VPS8: variants seen among roughly 807,000 people sequenced by gnomAD.
VPS8 encodes VPS8 subunit of CORVET complex.
A neutral mutation model predicts 216.4 loss-of-function variants in VPS8; 129 were observed. That is an observed-to-expected ratio of 0.60 (90% confidence interval 0.52 to 0.69). VPS8 has a LOEUF of 0.69. Among genes scored for constraint, VPS8 ranks in the 30% least tolerant of loss-of-function variants. VPS8 has a pLI of 0.00. For synonymous variants in VPS8, 571 were observed against 565.4 expected (o/e 1.01, Z -0.14); for missense variants, 1,531 against 1,683.5 (o/e 0.91, Z 1.59).
chr3:184,913,325 A>G lies in VPS8; in HGVS notation c.2147-194A>G, dbSNP rs142285470. Among the ~76,000 whole-genome samples, 22 of 152,296 alleles carry G rather than the reference A, an allele frequency of 1.4e-4. 1 individual carries two copies. The highest frequency in any genetic ancestry group is 4.8e-4 in the African/African-American group (20 of 41,556). On this transcript the variant is annotated intron_variant, in intron 25 of 47. Coordinates refer to ENST00000625842, the MANE Select transcript of VPS8 (RefSeq NM_001009921.3). ...CTACATCTATCTTAGGGTAGCTTAT[A>G]TTGCTCTTGTGTCTGTGACAAGAAT...
Position 184,929,751 on chromosome 3 carries a change from G to A in VPS8, c.2799+87G>A, listed in dbSNP as rs548659825. 1,400 of 752,042 alleles carry A rather than the reference G, an allele frequency of 1.9e-3. 4 individuals are homozygous for A. The highest frequency in any genetic ancestry group is 2.6e-3 in the Admixed American group (68 of 25,940). 46.6% of individuals were successfully genotyped at this position (752,042 alleles called of 1,614,324 possible). A position where few individuals can be genotyped will look rare whatever the true frequency, so the allele number is the denominator to read the frequency against. ...ATAACTGTTGAGTAGAAATATTTGC[G>A]CATGTGTATGAGCCAAATACACATT... On this transcript the variant is annotated intron_variant, in intron 33 of 47. Transcript: ENST00000625842.
chr3:184,891,689 T>C (rs969463636), intron 22 of VPS8, among the ~76,000 whole-genome samples: 5 of 152,168 alleles, frequency 3.3e-5, no homozygotes, highest in Admixed American at 2.0e-4. Flanking sequence ...TGAACATAAT[T>C]TGTTAAAATT....
At chr3:184,907,216 A>G (rs983756957) in intron 25 of VPS8, among the ~76,000 whole-genome samples, 5 of 152,230 alleles carry the variant, frequency 3.3e-5, no homozygotes, top group Non-Finnish European at 7.3e-5. Context: ...AAAAGGTTGC[A>G]TTCTTTTGAG....
At chr3:185,003,544 T>C (rs560280044) in intron 45 of VPS8, among the ~76,000 whole-genome samples, 1,591 of 150,544 alleles carry the variant, frequency 0.011, 19 homozygotes, top group African/African-American at 0.036. Flanking sequence ...AAGTCTCCCA[T>C]GTCTACTTCT....
chr3:184,875,675 A>G (rs903213775), intron 21 of VPS8, among the ~76,000 whole-genome samples: 3 of 152,074 alleles, frequency 2.0e-5, no homozygotes, highest in Admixed American at 2.0e-4. Context: ...CATTCTTTAT[A>G]GAGCCAGACA....
At chr3:184,873,121 A>G (rs1478974551) in intron 21 of VPS8, among the ~76,000 whole-genome samples, 1 of 152,128 alleles carries the variant, frequency 6.6e-6, no homozygotes, top group Non-Finnish European at 1.5e-5. Context: ...TGTGACATGT[A>G]TTTTTATTCT....
chr3:184,852,442 C>G, intron 10 of VPS8, 58 bp from the exon 11 acceptor site: 2 of 1,488,700 alleles, frequency 1.3e-6, no homozygotes, highest in South Asian at 2.4e-5. Context: ...TAATTTTTTC[C>G]TCCTTAATAC....
intron 29 of VPS8, among the ~76,000 whole-genome samples, 165 bp from the exon 30 acceptor site, chr3:184,924,697 G>C (rs1739247530): frequency 6.6e-6 from 1 of 152,002 alleles, no homozygotes; most frequent in African/African-American, 2.4e-5. Context: ...TATGCAAGTG[G>C]TTGTGCTTAT....
At chr3:184,848,077 T>C (rs1001299884) in intron 8 of VPS8, among the ~76,000 whole-genome samples, 4 of 152,028 alleles carry the variant, frequency 2.6e-5, no homozygotes, top group African/African-American at 9.7e-5. Flanking sequence ...CACACCCGGC[T>C]ATATTTTTTA....
chr3:185,051,673 G>A lies in VPS8; in HGVS notation c.4138-203G>A, dbSNP rs942273728. On this transcript the variant is annotated intron_variant, in intron 47 of 47. Coordinates refer to ENST00000625842, the MANE Select transcript of VPS8 (RefSeq NM_001009921.3). ...CAGTCCAGTCTCATTATTGAATGAG[G>A]AAATTTAGACCCTAAAAAATGAAGT... Among the ~76,000 whole-genome samples, 5 of 152,286 alleles carry A rather than the reference G, an allele frequency of 3.3e-5. No individual in the cohort carries two copies. In the South Asian group the frequency reaches 6.2e-4, roughly 19 times the overall value.
chr3:185,024,451 G>T, intron 46 of VPS8, 62 bp downstream of exon 46: 5 of 1,468,930 alleles, frequency 3.4e-6, no homozygotes, highest in Non-Finnish European at 4.7e-6. Context: ...CTCCTATGTG[G>T]AACAATATTC....
intron 36 of VPS8, among the ~76,000 whole-genome samples, chr3:184,943,184 G>T (rs1246311782): frequency 2.0e-5 from 3 of 152,110 alleles, no homozygotes; most frequent in African/African-American, 7.2e-5. Context: ...CATCAAAACT[G>T]TTTTCTAGTT....
intron 1 of VPS8, among the ~76,000 whole-genome samples, chr3:184,819,469 A>G (rs955877310): frequency 1.3e-5 from 2 of 152,366 alleles, no homozygotes; most frequent in Non-Finnish European, 2.9e-5. Flanking sequence ...TGAGTGGTTC[A>G]TTATCAACCT....
rs1417808072 is a variant in VPS8, at chr3:184,860,060, T to C, written c.1219T>C (p.Phe407Leu). 1 of 1,607,476 alleles carries C rather than the reference T, an allele frequency of 6.2e-7. No homozygotes were observed. The highest frequency in any genetic ancestry group is 1.3e-5 in the African/African-American group (1 of 74,808). Residue 407 changes from phenylalanine to leucine, a missense_variant, in exon 15 of 48, where the codon TTT becomes CTT. By Grantham distance (22) the Phe-to-Leu change is conservative. Transcript: ENST00000625842. ...TCACCTATACTATGACCTCATCAAC[T>C]TTACCGTGAGTATTATTCAAATTAA... ...HLHLYYDLIN[F>L]TWINSRTVVL... is the part of the protein sequence containing the mutation.
At chr3:184,985,752 C>T (rs1188461041) in intron 42 of VPS8, among the ~76,000 whole-genome samples, 1 of 152,186 alleles carries the variant, frequency 6.6e-6, no homozygotes, top group African/African-American at 2.4e-5. Context: ...CGTTAAGTCT[C>T]TGGATTACAT....
intron 46 of VPS8, among the ~76,000 whole-genome samples, chr3:185,036,361 T>C (rs1389102277): frequency 6.6e-6 from 1 of 152,136 alleles, no homozygotes; most frequent in African/African-American, 2.4e-5. Context: ...CTTCAAACTA[T>C]ACTATAAAGC....
intron 25 of VPS8, among the ~76,000 whole-genome samples, chr3:184,912,204 TAA>T (rs1415142754): frequency 6.6e-6 from 1 of 152,204 alleles, no homozygotes; most frequent in African/African-American, 2.4e-5. Flanking sequence ...GCCGGCTGAA[TAA>T]AAGACTCTTA....
chr3:184,920,810 G>T (rs1202920231), intron 29 of VPS8, among the ~76,000 whole-genome samples: 1 of 152,132 alleles, frequency 6.6e-6, no homozygotes, highest in Non-Finnish European at 1.5e-5. Context: ...TTGTTCATTT[G>T]GCTGTAAAGT....
chr3:184,864,145 G>C lies in VPS8; in HGVS notation c.1395+1078G>C, dbSNP rs865783083. ...AAGAGGAAGGAGAAGGAGAAGGGAG[G>C]GGGAGGGGAAGGGGGAAGGAAGAAG... is the stretch of plus-strand genomic sequence containing the variant. On this transcript the variant is annotated intron_variant, in intron 16 of 47. Transcript: ENST00000625842. Among the ~76,000 whole-genome samples, 7 of 151,986 alleles carry C rather than the reference G, an allele frequency of 4.6e-5. No homozygotes were observed. The East Asian group carries it at 7.7e-4, about 17-fold the overall frequency.
Sources: allele counts gnomAD v4.1 joint callset (sites outside exome capture counted in the v4.1 genomes callset), GRCh38; gene constraint gnomAD v4.1.1; transcripts MANE v1.5; gene names NCBI Gene and HGNC (gene_info 2026-07-23, HGNC 2026-07-21).